Variants in AFG2A observed in about 807,000 individuals in gnomAD.
The protein encoded by AFG2A is AAA ATPase AFG2A.
At chr4:122,931,485 A>T in the AFG2A span, among the ~76,000 whole-genome samples, 1 of 152,196 alleles carries the variant, frequency 6.6e-6, no homozygotes, top group African/African-American at 2.4e-5. Flanking sequence ...CACACACAAT[A>T]TATGTAGCGT....
At chr4:123,026,410 T>TA in the AFG2A span, among the ~76,000 whole-genome samples, 91 of 150,598 alleles carry the variant, frequency 6.0e-4, no homozygotes, top group African/African-American at 1.7e-3. Flanking sequence ...CATATAGAAC[T>TA]AAAAAAAAAT....
the AFG2A span, among the ~76,000 whole-genome samples, chr4:123,300,686 A>G: frequency 6.6e-6 from 1 of 152,058 alleles, no homozygotes; most frequent in African/African-American, 2.4e-5. Flanking sequence ...TATCTTGGGA[A>G]CTTGGATTTT....
the AFG2A span, among the ~76,000 whole-genome samples, chr4:122,993,751 A>G: frequency 6.6e-6 from 1 of 151,972 alleles, no homozygotes; most frequent in African/African-American, 2.4e-5. Flanking sequence ...TAACTTTTGG[A>G]AAGATCTTTA....
chr4:123,142,915 A>G, the AFG2A span, among the ~76,000 whole-genome samples: 2 of 152,122 alleles, frequency 1.3e-5, no homozygotes, highest in African/African-American at 2.4e-5. Flanking sequence ...CGCAATAGCT[A>G]TTACAGGGTG....
chr4:122,950,083 A>C, the AFG2A span, among the ~76,000 whole-genome samples: 4 of 152,204 alleles, frequency 2.6e-5, no homozygotes, highest in Non-Finnish European at 5.9e-5. Flanking sequence ...TGGTCGTATC[A>C]CATCCTTGTG....
chr4:122,938,033 T>C, the AFG2A span: 1 of 1,203,400 alleles, frequency 8.3e-7, no homozygotes, highest in East Asian at 2.7e-5. Flanking sequence ...ATTCTAAATT[T>C]GATATGTTGC....
At chr4:123,227,998 T>C in the AFG2A span, among the ~76,000 whole-genome samples, 7,417 of 152,196 alleles carry the variant, frequency 0.049, 610 homozygotes, top group African/African-American at 0.17. Context: ...TCTTTGTTGG[T>C]TTAAAGTCTG....
the AFG2A span, among the ~76,000 whole-genome samples, chr4:123,113,620 G>T: frequency 6.6e-6 from 1 of 152,186 alleles, no homozygotes; most frequent in Non-Finnish European, 1.5e-5. Context: ...AGATGACTTG[G>T]ATTTTATTTT....
At chr4:122,954,742 C>T in the AFG2A span, among the ~76,000 whole-genome samples, 2 of 152,238 alleles carry the variant, frequency 1.3e-5, no homozygotes, top group Non-Finnish European at 2.9e-5. Context: ...GGGAGCTCAG[C>T]CTCAGTGGCT....
chr4:123,309,415 G>T, the AFG2A span, among the ~76,000 whole-genome samples: 1 of 152,100 alleles, frequency 6.6e-6, no homozygotes, highest in Non-Finnish European at 1.5e-5. Context: ...TTTTATAGGG[G>T]TACTAATTCT....
the AFG2A span, among the ~76,000 whole-genome samples, chr4:122,938,537 G>T: frequency 6.6e-6 from 1 of 152,102 alleles, no homozygotes; most frequent in East Asian, 1.9e-4. Flanking sequence ...TTGAAGCAAA[G>T]ATCAGTAAGG....
chr4:122,947,356 G>T, the AFG2A span: 3 of 1,613,984 alleles, frequency 1.9e-6, no homozygotes, highest in Non-Finnish European at 2.5e-6. Context: ...CAATGCTCAG[G>T]ACCGGCTAGA....
At chr4:123,255,649 G>A in the AFG2A span, among the ~76,000 whole-genome samples, 1 of 150,256 alleles carries the variant, frequency 6.7e-6, no homozygotes, top group African/African-American at 2.4e-5. Context: ...TTTGAAAAGA[G>A]AATAGTCATC....
At chr4:123,086,195 T>TCA in the AFG2A span, among the ~76,000 whole-genome samples, 2 of 152,198 alleles carry the variant, frequency 1.3e-5, no homozygotes, top group Non-Finnish European at 2.9e-5. Context: ...CTGAAGAACT[T>TCA]TAAACATTTC....
the AFG2A span, among the ~76,000 whole-genome samples, chr4:122,983,806 A>T: frequency 6.6e-6 from 1 of 152,164 alleles, no homozygotes; most frequent in South Asian, 2.1e-4. Flanking sequence ...ACATCACAGG[A>T]CTCTGTACAG....
chr4:122,991,184 C>A, the AFG2A span, among the ~76,000 whole-genome samples: 1 of 152,122 alleles, frequency 6.6e-6, no homozygotes, highest in Non-Finnish European at 1.5e-5. Flanking sequence ...TTTTGTACTC[C>A]TATGATAAAA....
At chr4:123,120,049 C>T in the AFG2A span, among the ~76,000 whole-genome samples, 4 of 152,010 alleles carry the variant, frequency 2.6e-5, no homozygotes, top group Admixed American at 6.6e-5. Flanking sequence ...GTGGGAATTA[C>T]GGAGATTACA....
the AFG2A span, among the ~76,000 whole-genome samples, chr4:123,207,315 C>A: frequency 8.3e-6 from 1 of 120,898 alleles, no homozygotes; most frequent in South Asian, 2.6e-4. Flanking sequence ...TTGTGAGACA[C>A]GGTCTAGCTC....
At chr4:122,923,389 A>C in the AFG2A span, 7 of 1,561,026 alleles carry the variant, frequency 4.5e-6, no homozygotes, top group Admixed American at 1.3e-4. Flanking sequence ...CTTGGGGTGC[A>C]GAGACTTTTG....
Sources: gnomAD v4.1 joint callset for allele counts (sites outside exome capture counted in the v4.1 genomes callset) on GRCh38, gnomAD v4.1.1 for gene constraint, MANE v1.5 for transcripts, NCBI Gene and HGNC (gene_info 2026-07-23, HGNC 2026-07-21) for gene names.